GLT8D2: variants seen among roughly 807,000 people sequenced by gnomAD.
GLT8D2 encodes the protein glycosyltransferase 8 domain containing 2, also known as glycosyltransferase 8 domain-containing protein 2.
GLT8D2 carries 45 observed loss-of-function variants against 44.5 expected under a neutral mutation model. That is an observed-to-expected ratio of 1.01 (90% CI 0.80 to 1.30). The LOEUF is 1.30. Among genes scored for constraint, GLT8D2 ranks in the 50% most tolerant of loss-of-function variants. GLT8D2 has a pLI of 0.00. For synonymous variants in GLT8D2, 156 were observed against 157.2 expected, an observed-to-expected ratio of 0.99 and a Z score of 0.06; for missense variants, 400 against 430.4, an observed-to-expected ratio of 0.93 and a Z score of 0.62.
At chr12:104,039,328 C>T (rs1880284244) in intron 1 of GLT8D2, among the ~76,000 whole-genome samples, 1 of 152,102 alleles carries the variant, frequency 6.6e-6, no homozygotes, top group Admixed American at 6.5e-5. Flanking sequence ...TTCTGCACAG[C>T]AAAAGAAACT....
intron 1 of GLT8D2, among the ~76,000 whole-genome samples, chr12:104,037,060 A>AACAACCTG (rs1299210270): frequency 6.6e-6 from 1 of 152,254 alleles, no homozygotes; most frequent in Non-Finnish European, 1.5e-5. Flanking sequence ...CTCCTGAAGG[A>AACAACCTG]CTACTGGGTA....
At chr12:104,026,159 A>G (rs1366187833) in intron 1 of GLT8D2, among the ~76,000 whole-genome samples, 1 of 151,790 alleles carries the variant, frequency 6.6e-6, no homozygotes, top group African/African-American at 2.4e-5. Flanking sequence ...CACACCTGTA[A>G]TCTCAGCTAC....
intron 1 of GLT8D2, among the ~76,000 whole-genome samples, chr12:104,041,484 G>C (rs1053933084): frequency 6.6e-6 from 1 of 152,228 alleles, no homozygotes; most frequent in Non-Finnish European, 1.5e-5. Flanking sequence ...GCTGAGACAG[G>C]GGAATTGCTT....
intron 1 of GLT8D2, among the ~76,000 whole-genome samples, chr12:104,032,816 T>C (rs1455163256): frequency 6.6e-6 from 1 of 151,516 alleles, no homozygotes; most frequent in African/African-American, 2.4e-5. Context: ...TTAGGGTATA[T>C]ATCCAAAGGA....
chr12:104,016,766 A>G (rs866881735), intron 3 of GLT8D2, among the ~76,000 whole-genome samples: 824 of 80,912 alleles, frequency 0.01, 22 homozygotes, highest in East Asian at 0.045. Context: ...AAAGAAAGAA[A>G]GAAAGAAAGA....
At chr12:104,004,506 CAAGCTGAT>C (rs1294893178) in intron 4 of GLT8D2, among the ~76,000 whole-genome samples, 1 of 152,180 alleles carries the variant, frequency 6.6e-6, no homozygotes, top group African/African-American at 2.4e-5. Context: ...ATAATCTCCT[CAAGCTGAT>C]AAGCAACTTC....
intron 1 of GLT8D2, among the ~76,000 whole-genome samples, chr12:104,035,043 A>G (rs1879775250): frequency 6.6e-6 from 1 of 152,258 alleles, no homozygotes; most frequent in Admixed American, 6.5e-5. Context: ...GTGGACCTCC[A>G]GCAAACTCCA....
At chr12:104,056,828 C>T (rs1248852921) in intron 1 of GLT8D2, among the ~76,000 whole-genome samples, 3 of 152,242 alleles carry the variant, frequency 2.0e-5, no homozygotes, top group African/African-American at 7.2e-5. Flanking sequence ...TTCTAGTCTG[C>T]TGGTGACTGG....
intron 10 of GLT8D2, among the ~76,000 whole-genome samples, chr12:103,990,332 A>G (rs1326184805): frequency 6.6e-6 from 1 of 151,968 alleles, no homozygotes; most frequent in Non-Finnish European, 1.5e-5. Context: ...AGTCTTGTCT[A>G]AATATAAAAT....
intron 1 of GLT8D2, among the ~76,000 whole-genome samples, chr12:104,021,936 GAAGAAGA>G (rs1877802174): frequency 7.8e-5 from 2 of 25,622 alleles, no homozygotes; most frequent in East Asian, 4.1e-3. Flanking sequence ...AGAAGAAGAA[GAAGAAGA>G]AGAAGAAGAA....
At chr12:104,014,088 G>A in intron 4 of GLT8D2, 1 of 497,168 alleles carries the variant, frequency 2.0e-6, no homozygotes, top group Non-Finnish European at 3.6e-6. Context: ...AAATTAGCTG[G>A]GCATGGAGCT....
At chr12:104,023,741 G>A (rs145570665) in intron 1 of GLT8D2, among the ~76,000 whole-genome samples, 80 of 152,250 alleles carry the variant, frequency 5.3e-4, no homozygotes, top group Non-Finnish European at 1.0e-3. Context: ...CTCTGTCTCT[G>A]TAGTTTTGTC....
chr12:104,059,543 G>A (rs1261506937), intron 1 of GLT8D2, among the ~76,000 whole-genome samples: 5 of 152,162 alleles, frequency 3.3e-5, no homozygotes, highest in Admixed American at 1.3e-4. Flanking sequence ...ACAACCCATA[G>A]GTCAATATTT....
At chr12:103,998,918 C>T (rs970108943) in intron 6 of GLT8D2, among the ~76,000 whole-genome samples, 1 of 152,162 alleles carries the variant, frequency 6.6e-6, no homozygotes, top group African/African-American at 2.4e-5. Flanking sequence ...CTTAAGATTT[C>T]CAATGCTAGG....
intron 1 of GLT8D2, among the ~76,000 whole-genome samples, chr12:104,042,282 G>A (rs1181644468): frequency 6.6e-6 from 1 of 152,182 alleles, no homozygotes; most frequent in African/African-American, 2.4e-5. Context: ...TGCCTTGCAT[G>A]GGGCCATAAT....
chr12:104,020,689 C>T (rs1877514151), intron 2 of GLT8D2, among the ~76,000 whole-genome samples: 1 of 152,146 alleles, frequency 6.6e-6, no homozygotes, highest in Non-Finnish European at 1.5e-5. Context: ...TCAGGAAAAA[C>T]TTCATTGAGG....
upstream of GLT8D2, among the ~76,000 whole-genome samples, chr12:104,055,164 C>A (rs922003232): frequency 1.6e-4 from 24 of 152,276 alleles, no homozygotes; most frequent in African/African-American, 5.3e-4. Flanking sequence ...ATACAGCCAA[C>A]CTGTGGTGCT....
intron 1 of GLT8D2, among the ~76,000 whole-genome samples, chr12:104,040,308 A>T (rs531236066): frequency 6.6e-6 from 1 of 152,306 alleles, no homozygotes; most frequent in East Asian, 1.9e-4. Flanking sequence ...TAAAAAAATT[A>T]TTTATGCCTG....
upstream of GLT8D2, among the ~76,000 whole-genome samples, chr12:104,054,473 G>T (rs1321813184): frequency 6.6e-6 from 1 of 151,716 alleles, no homozygotes; most frequent in Non-Finnish European, 1.5e-5. Flanking sequence ...CAATGAACAT[G>T]GGGAGGCAGA....
Sources: gnomAD v4.1 joint callset for allele counts (sites outside exome capture counted in the v4.1 genomes callset) on GRCh38, gnomAD v4.1.1 for gene constraint, MANE v1.5 for transcripts, NCBI Gene and HGNC (gene_info 2026-07-23, HGNC 2026-07-21) for gene names.